ZNF730: variants seen among roughly 807,000 people sequenced by gnomAD.
The protein encoded by ZNF730 is zinc finger protein 730, also known as putative zinc finger protein 730.
ZNF730 carries 12 observed loss-of-function variants against 12.6 expected under a neutral mutation model. The observed-to-expected ratio is 0.95, with a 90% CI of 0.61 to 1.54. The LOEUF is 1.54. Ranked by LOEUF, ZNF730 falls within the 40% of genes most tolerant of loss-of-function variation. ZNF730 has a pLI of 0.00. For missense variants in ZNF730, 643 were observed against 583.5 expected, an observed-to-expected ratio of 1.10 and a Z score of -1.05; for synonymous variants, 194 against 195.8, an observed-to-expected ratio of 0.99 and a Z score of 0.08.
intron 3 of ZNF730, among the ~76,000 whole-genome samples, chr19:23,138,436 A>G (rs375453816): frequency 1.3e-5 from 2 of 152,192 alleles, no homozygotes; most frequent in Admixed American, 6.5e-5. Flanking sequence ...GGGGAAGACA[A>G]TAAGGACCAA....
At chr19:23,141,070 C>A (rs1164784498) in intron 3 of ZNF730, among the ~76,000 whole-genome samples, 1 of 151,680 alleles carries the variant, frequency 6.6e-6, no homozygotes, top group Non-Finnish European at 1.5e-5. Flanking sequence ...TGAGACCAGC[C>A]CAAGCAATAT....
At chr19:23,115,237 G>C (rs956094515), upstream of ZNF730, among the ~76,000 whole-genome samples, 1 of 152,098 alleles carries the variant, frequency 6.6e-6, no homozygotes, top group African/African-American at 2.4e-5. Flanking sequence ...CTATGGAGGT[G>C]CCTGAGCTTT....
At chr19:23,143,264 A>G (rs1194572582) in intron 3 of ZNF730, among the ~76,000 whole-genome samples, 1 of 152,110 alleles carries the variant, frequency 6.6e-6, no homozygotes, top group Non-Finnish European at 1.5e-5. Flanking sequence ...AAAAAAAAAC[A>G]ATATATTTTT....
At chr19:23,081,052 G>A (rs968995853) in intron 1 of ZNF730, among the ~76,000 whole-genome samples, 1 of 150,918 alleles carries the variant, frequency 6.6e-6, no homozygotes, top group Non-Finnish European at 1.5e-5. Context: ...CGCCATGTTG[G>A]CCAGACTGCT....
chr19:23,081,665 G>T (rs1320593393), intron 1 of ZNF730, among the ~76,000 whole-genome samples: 1 of 152,146 alleles, frequency 6.6e-6, no homozygotes, highest in African/African-American at 2.4e-5. Flanking sequence ...ATGTTGGCCA[G>T]ACTGGACTTG....
At chr19:23,086,111 G>A (rs1314796867) in intron 1 of ZNF730, among the ~76,000 whole-genome samples, 1 of 152,094 alleles carries the variant, frequency 6.6e-6, no homozygotes, top group African/African-American at 2.4e-5. Context: ...CCAAAGTGCT[G>A]TGATTACAGG....
chr19:23,088,375 G>C (rs556032532), intron 1 of ZNF730, among the ~76,000 whole-genome samples: 15 of 152,220 alleles, frequency 9.9e-5, no homozygotes, highest in Non-Finnish European at 2.1e-4. Context: ...TATAATGTTG[G>C]CTGTGGGTTT....
At position 23,118,883 on chromosome 19, in the gene ZNF730, T is replaced by C. The variant is rs557961134; in HGVS notation, c.3+1707T>C. On this transcript the variant is annotated intron_variant, in intron 1 of 3. Coordinates refer to ENST00000597761, the MANE Select transcript of ZNF730 (RefSeq NM_001277403.2). ...AGATTTATGAAATCATCGGTTGTTA[T>C]TTTTGCAGGGTAAATTTGTGACAGT... is the stretch of plus-strand genomic sequence containing the variant. Among the ~76,000 whole-genome samples, 12 of 152,340 alleles carry C rather than the reference T, an allele frequency of 7.9e-5. No homozygotes were observed. The South Asian group carries it at 2.5e-3, about 32-fold the overall frequency.
At chr19:23,085,358 G>A (rs565108577) in intron 1 of ZNF730, among the ~76,000 whole-genome samples, 1 of 149,602 alleles carries the variant, frequency 6.7e-6, no homozygotes, top group Non-Finnish European at 1.5e-5. Context: ...ATCTTTTTTT[G>A]CTTTTTTTCT....
chr19:23,116,964 G>T (rs1420447420), upstream of ZNF730: 10 of 460,458 alleles, frequency 2.2e-5, no homozygotes, highest in Non-Finnish European at 3.0e-5. Context: ...ACACTGGGCG[G>T]GGGGCCGTCC....
At chr19:23,127,879 C>T (rs1970689958) in intron 1 of ZNF730, 3 of 663,418 alleles carry the variant, frequency 4.5e-6, no homozygotes, top group Admixed American at 4.5e-5. Flanking sequence ...TGTGATATTA[C>T]ACACAGCATA....
intron 1 of ZNF730, chr19:23,124,125 A>G (rs984044929): frequency 5.3e-5 from 8 of 152,140 alleles, no homozygotes; most frequent in African/African-American, 1.9e-4. Flanking sequence ...ATTGGGGTTC[A>G]TGTAAGATGT....
intron 1 of ZNF730, among the ~76,000 whole-genome samples, chr19:23,130,036 A>G (rs1442499548): frequency 6.6e-6 from 1 of 150,820 alleles, no homozygotes; most frequent in African/African-American, 2.4e-5. Context: ...TTGGGAAGGT[A>G]TGATTGGTTT....
chr19:23,090,456 G>C (rs1259166736), intron 1 of ZNF730, among the ~76,000 whole-genome samples: 1 of 152,016 alleles, frequency 6.6e-6, no homozygotes, highest in Non-Finnish European at 1.5e-5. Flanking sequence ...AGGTGACTTG[G>C]GTACTTTTAA....
At chr19:23,109,336 C>T (rs2145567978) in intron 1 of ZNF730, among the ~76,000 whole-genome samples, 1 of 151,898 alleles carries the variant, frequency 6.6e-6, no homozygotes, top group South Asian at 2.1e-4. Flanking sequence ...TCAAGTGATT[C>T]TCCTGCCTCA....
At chr19:23,112,084 A>G (rs1264054819), upstream of ZNF730, among the ~76,000 whole-genome samples, 1 of 152,220 alleles carries the variant, frequency 6.6e-6, no homozygotes, top group African/African-American at 2.4e-5. Flanking sequence ...TCTGCCTGCC[A>G]TGTACACTGA....
intron 3 of ZNF730, among the ~76,000 whole-genome samples, chr19:23,138,544 GA>G (rs1970867190): frequency 6.6e-6 from 1 of 152,278 alleles, no homozygotes; most frequent in South Asian, 2.1e-4. Context: ...AAGAGTTTTG[GA>G]TGGTTTCAGA....
chr19:23,126,042 T>C (rs1277053454), intron 1 of ZNF730, among the ~76,000 whole-genome samples: 1 of 152,198 alleles, frequency 6.6e-6, no homozygotes, highest in Non-Finnish European at 1.5e-5. Context: ...GTACCAAAAC[T>C]TCTAAGAAAT....
chr19:23,109,422 T>C (rs924628753), intron 1 of ZNF730, among the ~76,000 whole-genome samples: 6 of 151,712 alleles, frequency 4.0e-5, no homozygotes, highest in Non-Finnish European at 8.8e-5. Flanking sequence ...TTTTCTTTTT[T>C]TTTTGAGGCG....
Sources: gnomAD v4.1 joint callset for allele counts (sites outside exome capture counted in the v4.1 genomes callset) on GRCh38, gnomAD v4.1.1 for gene constraint, MANE v1.5 for transcripts, NCBI Gene and HGNC (gene_info 2026-07-23, HGNC 2026-07-21) for gene names.